The following CAST variants were observed in gnomAD, a reference collection of about 807,000 sequenced individuals.
CAST encodes calpastatin.
A neutral mutation model predicts 119.6 loss-of-function variants in CAST; 76 were observed. The observed-to-expected ratio is 0.64, with a 90% CI of 0.53 to 0.77. The LOEUF (loss-of-function observed/expected upper bound fraction) is 0.77, where lower values mean the gene tolerates loss of function less well. Among genes scored for constraint, CAST ranks in the 30% least tolerant of loss-of-function variants. The pLI is 0.00. For missense variants in CAST, 953 were observed against 946.5 expected (o/e 1.01, Z -0.09); for synonymous variants, 319 against 331.6 (o/e 0.96, Z 0.41).
chr5:96,042,610 A>T, the CAST span, among the ~76,000 whole-genome samples: 2 of 152,174 alleles, frequency 1.3e-5, no homozygotes, highest in Non-Finnish European at 2.9e-5. Flanking sequence ...TTTTTAGTGG[A>T]GCCTCCCATT....
the CAST span, among the ~76,000 whole-genome samples, chr5:96,326,508 T>C: frequency 1.3e-5 from 2 of 152,184 alleles, no homozygotes; most frequent in Admixed American, 1.3e-4. Context: ...AAGACCCAGC[T>C]CAAGCATCTT....
chr5:96,348,066 G>A, the CAST span, among the ~76,000 whole-genome samples: 2 of 152,148 alleles, frequency 1.3e-5, no homozygotes, highest in Non-Finnish European at 2.9e-5. Flanking sequence ...CATTGAATTG[G>A]CAGATGCTGA....
chr5:96,117,178 T>C, the CAST span, among the ~76,000 whole-genome samples: 1 of 152,212 alleles, frequency 6.6e-6, no homozygotes, highest in Admixed American at 6.5e-5. Flanking sequence ...TTTTTTTTTC[T>C]TTATTGTGCT....
chr5:96,432,038 G>A, the CAST span: 1 of 1,378,496 alleles, frequency 7.3e-7, no homozygotes, highest in Admixed American at 2.0e-5. Flanking sequence ...CCTTCACTTG[G>A]ACAGGCAACA....
chr5:96,433,088 A>C, the CAST span: 1 of 1,583,748 alleles, frequency 6.3e-7, no homozygotes, highest in Non-Finnish European at 8.7e-7. Context: ...AAGAGGAAAA[A>C]GAAGCAAGAT....
At chr5:96,367,388 C>T in the CAST span, among the ~76,000 whole-genome samples, 1 of 145,044 alleles carries the variant, frequency 6.9e-6, no homozygotes, top group Non-Finnish European at 1.5e-5. Context: ...GAGGTTTCTG[C>T]TGCCTTTTCT....
the CAST span, among the ~76,000 whole-genome samples, chr5:96,040,808 T>A: frequency 6.6e-6 from 1 of 152,222 alleles, no homozygotes. Context: ...TCGATGTTCA[T>A]CAGGGATATT....
At chr5:96,765,709 A>G (rs920775289) in intron 26 of CAST, among the ~76,000 whole-genome samples, 2 of 152,216 alleles carry the variant, frequency 1.3e-5, no homozygotes, top group Admixed American at 1.3e-4. Flanking sequence ...GTATTAGAAA[A>G]GTGAAACCAT....
At chr5:96,498,493 A>G in the CAST span, among the ~76,000 whole-genome samples, 1 of 152,212 alleles carries the variant, frequency 6.6e-6, no homozygotes, top group Admixed American at 6.5e-5. Context: ...CTCAACTCCA[A>G]TTAGCTACTT....
chr5:96,677,508 A>G (rs942263795), intron 2 of CAST, among the ~76,000 whole-genome samples: 1 of 152,270 alleles, frequency 6.6e-6, no homozygotes, highest in East Asian at 1.9e-4. Flanking sequence ...AAGCCATGTT[A>G]TAAGAGGCAG....
At chr5:95,983,435 G>A in the CAST span, among the ~76,000 whole-genome samples, 1 of 152,140 alleles carries the variant, frequency 6.6e-6, no homozygotes, top group African/African-American at 2.4e-5. Context: ...ATTCACAAAA[G>A]ATCCACACAC....
At chr5:96,209,740 C>G in the CAST span, among the ~76,000 whole-genome samples, 3 of 138,062 alleles carry the variant, frequency 2.2e-5, no homozygotes, top group Non-Finnish European at 4.6e-5. Flanking sequence ...AGGTGACCTT[C>G]CCCTTCTATC....
the CAST span, among the ~76,000 whole-genome samples, chr5:96,419,243 GATAA>G: frequency 6.7e-6 from 1 of 150,298 alleles, no homozygotes. Flanking sequence ...TATAGATATA[GATAA>G]ATAATCTACC....
the CAST span, among the ~76,000 whole-genome samples, chr5:96,386,141 T>C: frequency 6.6e-6 from 1 of 152,276 alleles, no homozygotes; most frequent in Non-Finnish European, 1.5e-5. Context: ...GAATCTGTTT[T>C]GTATTGTTAT....
chr5:96,663,138 T>A (rs1309661296), intron 1 of CAST: 1 of 702,604 alleles, frequency 1.4e-6, no homozygotes, highest in South Asian at 1.5e-5. Flanking sequence ...GTTGTTGCCA[T>A]GGCATTCGCC....
At chr5:96,110,495 G>T in the CAST span, among the ~76,000 whole-genome samples, 1 of 152,280 alleles carries the variant, frequency 6.6e-6, no homozygotes, top group South Asian at 2.1e-4. Flanking sequence ...AGCTGGAGGG[G>T]TTGTCAAGGG....
chr5:96,289,839 A>C, the CAST span, among the ~76,000 whole-genome samples: 1 of 152,182 alleles, frequency 6.6e-6, no homozygotes, highest in Non-Finnish European at 1.5e-5. Flanking sequence ...AATGTGCCTC[A>C]GTAGCGTTTG....
intron 1 of CAST, among the ~76,000 whole-genome samples, chr5:96,545,706 A>G (rs1040451048): frequency 1.3e-5 from 2 of 152,198 alleles, no homozygotes; most frequent in African/African-American, 4.8e-5. Flanking sequence ...GCCTCTATCC[A>G]TATCACCATG....
rs751756292 is a variant in CAST at position 96,729,594 on chromosome 5, C to A, written c.436-18C>A. ...AATGTCTTTATATGTGTGTGGGCAC[C>A]TGTGTGTGTACTTTCAGCCAAAAAG... On this transcript the variant is annotated intron_variant, in intron 7 of 31. Transcript: ENST00000675179. The A allele has an allele frequency of 6.1e-6, 6 of 976,174 alleles. No homozygotes were observed. In the South Asian group the frequency reaches 6.4e-5, roughly 10 times the overall value. 60.5% of individuals were successfully genotyped at this position (976,174 alleles called of 1,614,324 possible). A position where few individuals can be genotyped will look rare whatever the true frequency, so the allele number is the denominator to read the frequency against.
Sources: gnomAD v4.1 joint callset for allele counts (sites outside exome capture counted in the v4.1 genomes callset) on GRCh38, gnomAD v4.1.1 for gene constraint, MANE v1.5 for transcripts, NCBI Gene and HGNC (gene_info 2026-07-23, HGNC 2026-07-21) for gene names.